Variants in GFOD1 observed in about 807,000 individuals in gnomAD.
GFOD1 encodes the protein glucose-fructose oxidoreductase domain-containing protein 1.
A neutral mutation model predicts 25.4 loss-of-function variants in GFOD1; 9 were observed. The ratio of observed to expected loss-of-function variants is 0.35; its 90% CI spans 0.21 to 0.62. The LOEUF (loss-of-function observed/expected upper bound fraction) is 0.62, where lower values mean the gene tolerates loss of function less well. Ranked by LOEUF, GFOD1 falls within the 20% of genes least tolerant of loss-of-function variation. GFOD1 has a pLI of 0.72. For synonymous variants in GFOD1, 253 were observed against 245.6 expected (o/e 1.03, Z -0.28); for missense variants, 403 against 556.9 (o/e 0.72, Z 2.78).
At position 13,363,256 on chromosome 6, in the gene GFOD1, T is replaced by C. The variant is rs1013228633; in HGVS notation, c.*1487A>G. On this transcript the variant is annotated 3_prime_UTR_variant, in exon 2 of 2. Transcript: ENST00000379287. Reference sequence around the variant, plus strand: ...GTGTGTGTGCACGTGCATGTGTGTGTGTGTCTGTTCCCTTTTGGCACTGCC... The same window carrying C: ...GTGTGTGTGCACGTGCATGTGTGTGCGTGTCTGTTCCCTTTTGGCACTGCC... 2.6e-5 allele frequency: 4 copies of C among 152,142 alleles called. No homozygotes were observed. The highest frequency in any genetic ancestry group is 7.2e-5 in the African/African-American group (3 of 41,404). 9.4% of individuals were successfully genotyped at this position (152,142 alleles called of 1,614,324 possible).
Position 13,379,505 on chromosome 6 carries a change from C to T in GFOD1, c.254-13843G>A, listed in dbSNP as rs371284983. Among the ~76,000 whole-genome samples the T allele has an allele frequency of 2.0e-3, 298 of 152,224 alleles. 8 individuals carry two copies. In the South Asian group the frequency reaches 0.053, roughly 27 times the overall value. ...GGCTGTGATGCCCGTGATGCAATGACGGCTTCTATCACCCAGCACCAGCAC... is the reference window on the plus strand; with the variant it reads ...GGCTGTGATGCCCGTGATGCAATGATGGCTTCTATCACCCAGCACCAGCAC... On this transcript the variant is annotated intron_variant, in intron 1 of 1. Transcript: ENST00000379287.
chr6:13,403,090 T>TTG lies in GFOD1; in HGVS notation c.254-37430_254-37429dup, dbSNP rs577808611. On this transcript the variant is annotated intron_variant, in intron 1 of 1. Coordinates refer to ENST00000379287, the MANE Select transcript of GFOD1 (RefSeq NM_018988.4). ...TAAATGGTAGGGTTTTTTTGTTTTG[T>TTG]TGTGTGTGTGTGTGTGTGGTTTTTT... Among the ~76,000 whole-genome samples, 849 of 150,878 alleles carry TTG rather than the reference T, an allele frequency of 5.6e-3. 7 individuals are homozygous for TTG. Among genetic ancestry groups the TTG allele is most frequent in the African/African-American group, 0.017 (712 of 41,156 alleles).
rs1757732616 is a variant in GFOD1 at position 13,430,566 on chromosome 6, T to C, written c.253+56072A>G. On this transcript the variant is annotated intron_variant, in intron 1 of 1. Coordinates refer to ENST00000379287, the MANE Select transcript of GFOD1 (RefSeq NM_018988.4). This position sits in a 1 kb window ranked among gnomAD's most constrained non-coding sequence, Gnocchi z 4.1. ...AGTGCAGGGATTGGCCACAGTGTTATCCATATTCTCAACACTCCTATTATG... is the reference window on the plus strand; with the variant it reads ...AGTGCAGGGATTGGCCACAGTGTTACCCATATTCTCAACACTCCTATTATG... Among the ~76,000 whole-genome samples, 1 of 152,220 alleles carries C rather than the reference T, an allele frequency of 6.6e-6. No homozygotes were observed. The highest frequency in any genetic ancestry group is 1.5e-5 in the Non-Finnish European group (1 of 68,038).
chr6:13,382,350 G>T (rs965147916), intron 1 of GFOD1, among the ~76,000 whole-genome samples: 29 of 150,090 alleles, frequency 1.9e-4, no homozygotes, highest in African/African-American at 5.8e-4. Flanking sequence ...TGAATCATGG[G>T]GGGGGGGGTT....
intron 1 of GFOD1, among the ~76,000 whole-genome samples, chr6:13,425,247 A>G (rs908840124): frequency 1.3e-5 from 2 of 152,206 alleles, no homozygotes; most frequent in Non-Finnish European, 2.9e-5. Context: ...AGTATGAGCC[A>G]CTGAGCCTGG....
At chr6:13,464,564 C>A (rs1417793416) in intron 1 of GFOD1, among the ~76,000 whole-genome samples, 1 of 152,208 alleles carries the variant, frequency 6.6e-6, no homozygotes, top group East Asian at 1.9e-4. Context: ...GGCTAAGCCA[C>A]AACAGCCAGA....
Position 13,365,128 on chromosome 6 carries a change from G to A in GFOD1, c.788C>T (p.Thr263Ile). 6.2e-7 allele frequency: 1 copy of A among 1,613,098 alleles called. No individual in the cohort carries two copies. Among genetic ancestry groups the A allele is most frequent in the Non-Finnish European group, 8.5e-7 (1 of 1,179,830 alleles). ...GSAGRLLAVGTDLYGQRNSAP... is the reference protein window; with the variant it reads ...GSAGRLLAVGIDLYGQRNSAP... The stretch of plus-strand genomic sequence containing the variant: ...GCTGTTGCGCTGCCCGTACAGGTCG[G>A]TGCCCACGGCCAGCAGGCGCCCGGC... The change falls in exon 2 of 2, where the codon ACC becomes ATC. Residue 263 changes from threonine to isoleucine, a missense_variant. Physicochemically the swap from Thr to Ile is moderately conservative, Grantham distance 89 (BLOSUM62 -1). Transcript: ENST00000379287. This position sits in a 1 kb window ranked among gnomAD's most constrained non-coding sequence, Gnocchi z 9.2.
At chr6:13,439,377 G>C (rs1329993270) in intron 1 of GFOD1, among the ~76,000 whole-genome samples, 2 of 152,212 alleles carry the variant, frequency 1.3e-5, no homozygotes, top group East Asian at 3.8e-4. Flanking sequence ...CAACACCATA[G>C]GCTTAGAGTA....
At chr6:13,460,674 G>A (rs1758275657) in intron 1 of GFOD1, among the ~76,000 whole-genome samples, 1 of 126,214 alleles carries the variant, frequency 7.9e-6, no homozygotes, top group African/African-American at 2.6e-5. Context: ...GGGGGTGTGG[G>A]GAGAGGGAGT....
intron 1 of GFOD1, among the ~76,000 whole-genome samples, chr6:13,379,675 G>A (rs1259084126): frequency 6.6e-6 from 1 of 152,210 alleles, no homozygotes; most frequent in Admixed American, 6.5e-5. Flanking sequence ...GAGGAACTAA[G>A]GTCCTTTCAA....
At chr6:13,402,083 G>A (rs1785857382) in intron 1 of GFOD1, among the ~76,000 whole-genome samples, 1 of 152,176 alleles carries the variant, frequency 6.6e-6, no homozygotes, top group Non-Finnish European at 1.5e-5. Context: ...AAAATTCAAT[G>A]GGAAAAGAAT....
At chr6:13,393,933 C>T (rs1241516932) in intron 1 of GFOD1, among the ~76,000 whole-genome samples, 1 of 152,034 alleles carries the variant, frequency 6.6e-6, no homozygotes, top group African/African-American at 2.4e-5. Flanking sequence ...CGCCCACCAC[C>T]ACGCCCGGCT....
chr6:13,392,976 T>C (rs1220592818), intron 1 of GFOD1, among the ~76,000 whole-genome samples: 1 of 151,796 alleles, frequency 6.6e-6, no homozygotes, highest in Non-Finnish European at 1.5e-5. Context: ...GCAGGAGGAT[T>C]GCTTGAGCCC....
At chr6:13,416,702 G>C (rs1412083498) in intron 1 of GFOD1, among the ~76,000 whole-genome samples, 1 of 152,188 alleles carries the variant, frequency 6.6e-6, no homozygotes, top group Non-Finnish European at 1.5e-5. Flanking sequence ...AACCAAGAGA[G>C]GGTATCTCAT....
At chr6:13,442,613 G>T (rs1250300297) in intron 1 of GFOD1, among the ~76,000 whole-genome samples, 1 of 152,202 alleles carries the variant, frequency 6.6e-6, no homozygotes, top group Non-Finnish European at 1.5e-5. Context: ...TTAAGTTGAA[G>T]CCAAAATTCA....
At chr6:13,404,924 A>G (rs555963421) in intron 1 of GFOD1, among the ~76,000 whole-genome samples, 1 of 152,134 alleles carries the variant, frequency 6.6e-6, no homozygotes, top group African/African-American at 2.4e-5. Flanking sequence ...ATGTTTAAAA[A>G]TTTTTTAATT....
intron 1 of GFOD1, among the ~76,000 whole-genome samples, chr6:13,383,339 T>C (rs1785402877): frequency 6.6e-6 from 1 of 152,242 alleles, no homozygotes; most frequent in Non-Finnish European, 1.5e-5. Flanking sequence ...AACTGCAGTG[T>C]GTTTTGAAAT....
intron 1 of GFOD1, chr6:13,469,142 C>T (rs952958647): frequency 1.6e-5 from 10 of 631,552 alleles, no homozygotes; most frequent in African/African-American, 2.0e-5. Flanking sequence ...CCTGTGTCTC[C>T]TATTATGGCC....
At chr6:13,401,670 AAAG>A (rs1199649466) in intron 1 of GFOD1, among the ~76,000 whole-genome samples, 1 of 152,246 alleles carries the variant, frequency 6.6e-6, no homozygotes, top group East Asian at 1.9e-4. Flanking sequence ...GAAAAAAATC[AAAG>A]AAGATCTTAA....
Sources: allele counts gnomAD v4.1 joint callset (sites outside exome capture counted in the v4.1 genomes callset), GRCh38; gene constraint gnomAD v4.1.1; non-coding constraint Gnocchi (gnomAD v3.1); transcripts MANE v1.5; gene names NCBI Gene and HGNC (gene_info 2026-07-23, HGNC 2026-07-21).